ZPBP2: variants seen among roughly 807,000 people sequenced by gnomAD.
ZPBP2 encodes zona pellucida binding protein 2.
ZPBP2 carries 34 observed loss-of-function variants against 37.5 expected under a neutral mutation model. That is an observed-to-expected ratio of 0.91 (90% CI 0.69 to 1.21). The LOEUF (loss-of-function observed/expected upper bound fraction) is 1.21. Ranked by LOEUF, ZPBP2 falls within the 50% of genes most tolerant of loss-of-function variation. The pLI, the probability that ZPBP2 is intolerant of heterozygous loss-of-function variation, is 0.00. For synonymous variants in ZPBP2, 143 were observed against 138.4 expected (o/e 1.03, Z -0.23); for missense variants, 397 against 413.5 (o/e 0.96, Z 0.35).
intron 2 of ZPBP2, among the ~76,000 whole-genome samples, chr17:39,869,601 C>T (rs1422374995): frequency 2.0e-5 from 3 of 150,832 alleles, no homozygotes; most frequent in East Asian, 1.9e-4. Flanking sequence ...GACAGGGTTT[C>T]ACCATGTTGG....
intron 5 of ZPBP2, 30 bp downstream of exon 5, chr17:39,872,518 A>C: frequency 1.4e-6 from 2 of 1,415,120 alleles, no homozygotes; most frequent in Non-Finnish European, 9.6e-7. Flanking sequence ...TTTAATTTTG[A>C]ATTTAGTCCT....
chr17:39,869,758 G>C (rs1277822702), intron 2 of ZPBP2, among the ~76,000 whole-genome samples: 1 of 138,374 alleles, frequency 7.2e-6, no homozygotes, highest in Non-Finnish European at 1.5e-5. Flanking sequence ...CATTGCCCAG[G>C]CTGGAGTGCA....
chr17:39,869,875 GC>G (rs2063355180), intron 2 of ZPBP2, among the ~76,000 whole-genome samples: 1 of 151,362 alleles, frequency 6.6e-6, no homozygotes, highest in African/African-American at 2.4e-5. Context: ...ACCATGCCTG[GC>G]AAATTTTTTT....
At chr17:39,870,441 G>C (rs934251358) in intron 2 of ZPBP2, among the ~76,000 whole-genome samples, 144 of 151,824 alleles carry the variant, frequency 9.5e-4, no homozygotes, top group African/African-American at 3.4e-3. Context: ...AATATATCAT[G>C]TGTATTTTTA....
In ZPBP2 at chr17:39,873,070, G is replaced by A. The variant is rs371561983; in HGVS notation, c.652G>A (p.Gly218Ser). ...TAATCCTTTTGCGCCGGGGTGGAAAGGTGCTTGCAATGGATCTGTTGACTG... is the reference window on the plus strand; with the variant it reads ...TAATCCTTTTGCGCCGGGGTGGAAAAGTGCTTGCAATGGATCTGTTGACTG... Reference protein sequence around the residue: ...QVNPFAPGWKGACNGSVDCED... With the variant: ...QVNPFAPGWKSACNGSVDCED... The change falls in exon 6 of 8, where the codon GGT becomes AGT. Residue 218 changes from glycine to serine, a missense_variant. Physicochemically the swap from Gly to Ser is moderately conservative, Grantham distance 56. Transcript: ENST00000348931. 20 of 1,611,938 alleles carry A rather than the reference G, an allele frequency of 1.2e-5. No individual in the cohort carries two copies. In the Admixed American group the frequency reaches 3.2e-4, roughly 26 times the overall value.
At position 39,868,253 on chromosome 17, in the gene ZPBP2, G is replaced by A; in HGVS notation, c.-102G>A. Reference sequence around the variant, plus strand: ...GACGGGTAGGGGAGGCGACCCCGGCGTTCTGCTCCGCACTGTGGAGGAGGT... The same window carrying A: ...GACGGGTAGGGGAGGCGACCCCGGCATTCTGCTCCGCACTGTGGAGGAGGT... On this transcript the variant is annotated 5_prime_UTR_variant, in exon 1 of 8. Coordinates refer to ENST00000348931, the MANE Select transcript of ZPBP2 (RefSeq NM_199321.3). 2.2e-6 allele frequency: 3 copies of A among 1,374,632 alleles called. No individual in the cohort carries two copies. The highest frequency in any genetic ancestry group is 1.3e-5 in the South Asian group (1 of 76,724). The allele number at this position is 1,374,632 out of a possible 1,614,324, so 85.2% of individuals were successfully genotyped here.
At position 39,876,777 on chromosome 17, in the gene ZPBP2, A is replaced by G; in HGVS notation, c.985A>G (p.Thr329Ala). Residue 329 changes from threonine to alanine, a missense_variant, in exon 8 of 8, where the codon ACT (threonine) becomes GCT (alanine). Coordinates refer to ENST00000348931, the MANE Select transcript of ZPBP2 (RefSeq NM_199321.3). The stretch of plus-strand genomic sequence containing the variant: ...CTATGGAGCTAAATCTTGCCCACAA[A>G]CTTCAAACAAAAATCAGCAATATGA... Reference protein sequence around the residue: ...LTYGAKSCPQTSNKNQQYED With the variant: ...LTYGAKSCPQASNKNQQYED The G allele has an allele frequency of 6.2e-7, 1 of 1,613,882 alleles. No individual in the cohort carries two copies. The highest frequency in any genetic ancestry group is 2.2e-5 in the East Asian group (1 of 44,828).
intron 7 of ZPBP2, 141 bp from the exon 8 acceptor site, chr17:39,876,541 T>A: frequency 2.3e-6 from 2 of 855,342 alleles, no homozygotes; most frequent in Non-Finnish European, 3.5e-6. Context: ...TTAAATGGGC[T>A]GAACATTACC....
In ZPBP2 at chr17:39,871,621, C is replaced by T. The variant is rs866624209; in HGVS notation, c.402C>T (p.Val134=). ...TCAAAAAGAGATATGACTTTATGGT[C>T]TTTGGTAAGAATTTAGGCACATTTT... is the stretch of plus-strand genomic sequence containing the variant. ...KTVKKRYDFM[V]FAYREPDYSY... is the part of the protein sequence containing the mutation. The change falls in exon 4 of 8, where the codon GTC becomes GTT. Residue 134 remains valine, a synonymous_variant. Coordinates refer to ENST00000348931, the MANE Select transcript of ZPBP2 (RefSeq NM_199321.3). 6.4e-7 allele frequency: 1 copy of T among 1,553,812 alleles called. No individual in the cohort carries two copies. Among genetic ancestry groups the T allele is most frequent in the Non-Finnish European group, 8.7e-7 (1 of 1,155,196 alleles).
chr17:39,876,009 A>G (rs1464921879), intron 7 of ZPBP2, among the ~76,000 whole-genome samples: 1 of 145,746 alleles, frequency 6.9e-6, no homozygotes, highest in Admixed American at 7.3e-5. Flanking sequence ...AGCTCAAACC[A>G]TCCTTCAACC....
chr17:39,875,838 T>C (rs1226942450), intron 7 of ZPBP2, among the ~76,000 whole-genome samples: 1 of 149,428 alleles, frequency 6.7e-6, no homozygotes, highest in Non-Finnish European at 1.5e-5. Flanking sequence ...TGCCTTGGCT[T>C]CCGAAAGTGC....
chr17:39,868,519 C>A, intron 1 of ZPBP2, 30 bp from the exon 2 acceptor site: 1 of 1,614,156 alleles, frequency 6.2e-7, no homozygotes, highest in African/African-American at 1.3e-5. Flanking sequence ...CCTCTTCTAA[C>A]TAAAAGTCAG....
In ZPBP2 at chr17:39,868,227, G is replaced by C; in HGVS notation, c.-128G>C. 1.9e-6 allele frequency: 2 copies of C among 1,031,828 alleles called. No individual in the cohort carries two copies. Among genetic ancestry groups the C allele is most frequent in the South Asian group, 1.8e-5 (1 of 55,722 alleles). The allele number at this position is 1,031,828 out of a possible 1,614,324, so 63.9% of individuals were successfully genotyped here. ...GCGCGTCCGCTCCCGCCGTTGCGACGGACGGGTAGGGGAGGCGACCCCGGC... is the reference window on the plus strand; with the variant it reads ...GCGCGTCCGCTCCCGCCGTTGCGACCGACGGGTAGGGGAGGCGACCCCGGC... On this transcript the variant is annotated 5_prime_UTR_variant, in exon 1 of 8. Transcript: ENST00000348931.
intron 7 of ZPBP2, 28 bp downstream of exon 7, chr17:39,875,462 A>G: frequency 6.7e-7 from 1 of 1,498,202 alleles, no homozygotes; most frequent in Non-Finnish European, 9.0e-7. Context: ...ATATCTAAAC[A>G]TTTAGGTTAT....
Position 39,871,706 on chromosome 17 carries a change from G to C in ZPBP2, c.406+81G>C. 4.1e-6 allele frequency: 5 copies of C among 1,232,436 alleles called. No individual in the cohort carries two copies. The South Asian group carries it at 9.4e-5, about 23-fold the overall frequency. The allele number at this position is 1,232,436 out of a possible 1,614,324, so 76.3% of individuals were successfully genotyped here. ...TATGGTTTCTTCATTTAATGAAAAT[G>C]AGTCTGTAATAGGTGACTGTCACCA... On this transcript the variant is annotated intron_variant, in intron 4 of 7. Transcript: ENST00000348931.
intron 5 of ZPBP2, 105 bp downstream of exon 5, chr17:39,872,593 ATGTT>A (rs2063370541): frequency 5.1e-6 from 4 of 780,118 alleles, no homozygotes; most frequent in Non-Finnish European, 7.7e-6. Context: ...TAGGTCTTAC[ATGTT>A]TGTTAAGCAC....
intron 3 of ZPBP2, 101 bp downstream of exon 3, chr17:39,870,920 G>A: frequency 9.3e-7 from 1 of 1,071,138 alleles, no homozygotes. Flanking sequence ...TAATTTTAAT[G>A]GCAGTTTCTC....
intron 7 of ZPBP2, among the ~76,000 whole-genome samples, chr17:39,875,637 C>G (rs2063386329): frequency 1.3e-5 from 2 of 150,022 alleles, no homozygotes; most frequent in African/African-American, 4.9e-5. Context: ...CTCACTCTTT[C>G]ACCCATGCTG....
chr17:39,876,673 C>A lies in ZPBP2; in HGVS notation c.890-9C>A. 6.2e-7 allele frequency: 1 copy of A among 1,613,114 alleles called. No homozygotes were observed. Among genetic ancestry groups the A allele is most frequent in the South Asian group, 1.1e-5 (1 of 91,024 alleles). ...AAATTATAATTACTCCCTGTGTTTT[C>A]CTCTGCAGTGGTTTGTAGTCCTGCG... is the stretch of plus-strand genomic sequence containing the variant. On this transcript the variant is annotated splice_polypyrimidine_tract_variant and intron_variant, in intron 7 of 7. Coordinates refer to ENST00000348931, the MANE Select transcript of ZPBP2 (RefSeq NM_199321.3).
Sources: allele counts gnomAD v4.1 joint callset (sites outside exome capture counted in the v4.1 genomes callset), GRCh38; gene constraint gnomAD v4.1.1; transcripts MANE v1.5; gene names NCBI Gene and HGNC (gene_info 2026-07-23, HGNC 2026-07-21).